The following CNTNAP5 variants were observed in gnomAD, a reference collection of about 807,000 sequenced individuals.
CNTNAP5 encodes the protein contactin associated protein family member 5.
CNTNAP5 carries 72 observed loss-of-function variants against 150.2 expected under a neutral mutation model. The observed-to-expected ratio is 0.48, with a 90% CI of 0.40 to 0.58. The LOEUF (loss-of-function observed/expected upper bound fraction) is 0.58, where lower values mean the gene tolerates loss of function less well. Ranked by LOEUF, CNTNAP5 falls within the 20% of genes least tolerant of loss-of-function variation. The pLI is 0.00. For synonymous variants in CNTNAP5, 672 were observed against 619.8 expected (o/e 1.08, Z -1.25); for missense variants, 1,636 against 1,626.2 (o/e 1.01, Z -0.10).
chr2:124,706,587 A>G (rs564039488), intron 13 of CNTNAP5, among the ~76,000 whole-genome samples: 2 of 151,958 alleles, frequency 1.3e-5, no homozygotes, highest in Admixed American at 6.6e-5. Flanking sequence ...TCTCTATAAA[A>G]TATACAAAAA....
chr2:124,164,507 T>C (rs1348802026), intron 1 of CNTNAP5, among the ~76,000 whole-genome samples: 1 of 152,218 alleles, frequency 6.6e-6, no homozygotes, highest in African/African-American at 2.4e-5. Context: ...AAATAATATC[T>C]CTTTGAGGAA....
intron 11 of CNTNAP5, among the ~76,000 whole-genome samples, chr2:124,568,631 T>C (rs1329091603): frequency 6.6e-6 from 1 of 152,254 alleles, no homozygotes; most frequent in Non-Finnish European, 1.5e-5. Flanking sequence ...TTTTTGTTTC[T>C]ATATTCAACC....
intron 13 of CNTNAP5, among the ~76,000 whole-genome samples, chr2:124,666,378 A>C (rs1375972071): frequency 1.3e-5 from 2 of 152,230 alleles, no homozygotes; most frequent in Non-Finnish European, 2.9e-5. Flanking sequence ...ACTGGGTGAG[A>C]GTGACTTGTA....
intron 1 of CNTNAP5, among the ~76,000 whole-genome samples, chr2:124,194,610 T>G (rs967464587): frequency 1.3e-5 from 2 of 150,752 alleles, no homozygotes; most frequent in African/African-American, 4.9e-5. Context: ...TTGGAAAAAC[T>G]GAATCCACAA....
chr2:124,134,584 A>G (rs1258056708), intron 1 of CNTNAP5, among the ~76,000 whole-genome samples: 2 of 152,198 alleles, frequency 1.3e-5, no homozygotes, highest in Admixed American at 6.5e-5. Context: ...CTTCTAGTCA[A>G]TAAAACACAC....
intron 7 of CNTNAP5, among the ~76,000 whole-genome samples, chr2:124,501,763 G>T (rs910665563): frequency 6.6e-6 from 1 of 152,172 alleles, no homozygotes; most frequent in African/African-American, 2.4e-5. Flanking sequence ...TCAGAATAGT[G>T]GCACACAGCA....
At chr2:124,483,054 G>A (rs1009102191) in intron 7 of CNTNAP5, among the ~76,000 whole-genome samples, 14 of 152,146 alleles carry the variant, frequency 9.2e-5, no homozygotes, top group Non-Finnish European at 1.5e-5. Flanking sequence ...GCCTTTGCAT[G>A]TTGTGTTTCT....
intron 16 of CNTNAP5, 140 bp from the exon 17 acceptor site, chr2:124,772,659 G>C: frequency 1.5e-6 from 1 of 647,930 alleles, no homozygotes. Flanking sequence ...ACTATTAATG[G>C]TGATTTCAGT....
intron 3 of CNTNAP5, among the ~76,000 whole-genome samples, chr2:124,317,750 T>A (rs1689002326): frequency 6.6e-6 from 1 of 152,166 alleles, no homozygotes; most frequent in Admixed American, 6.5e-5. Context: ...GGACACTGAT[T>A]TAAAATACAC....
Position 124,865,319 on chromosome 2 carries a change from TCGCTATCACCTAAACAAGGAAGAAA to T in CNTNAP5, c.3233_3257del (p.Arg1078ProfsTer19). The T allele has an allele frequency of 6.4e-7, 1 of 1,563,166 alleles. No homozygotes were observed. Among genetic ancestry groups the T allele is most frequent in the Non-Finnish European group, 8.7e-7 (1 of 1,152,336 alleles). On this transcript the variant is annotated frameshift_variant, in exon 20 of 24. Transcript: ENST00000682447. LOFTEE classifies it high-confidence loss of function. ...TTTTCTTTCAAGGAAGCTTACAGGT[TCGCTATCACCTAAACAAGGAAGAAA>T]CCCATGTATTCACCATTGATGCAGA...
At chr2:124,570,504 G>T (rs544176027) in intron 11 of CNTNAP5, among the ~76,000 whole-genome samples, 47 of 152,302 alleles carry the variant, frequency 3.1e-4, no homozygotes, top group African/African-American at 1.0e-3. Context: ...GGCAGACAAT[G>T]AATTGAGAAG....
At chr2:124,081,871 C>G (rs1028722460) in intron 1 of CNTNAP5, among the ~76,000 whole-genome samples, 1 of 152,124 alleles carries the variant, frequency 6.6e-6, no homozygotes, top group Non-Finnish European at 1.5e-5. Context: ...CTTGCACTGT[C>G]CTGTAGTACA....
At chr2:124,553,024 C>A (rs1695663123) in intron 10 of CNTNAP5, among the ~76,000 whole-genome samples, 1 of 6,246 alleles carries the variant, frequency 1.6e-4, no homozygotes, top group South Asian at 0.17. Context: ...AAATGCATTT[C>A]TGGGACATTA....
intron 19 of CNTNAP5, among the ~76,000 whole-genome samples, chr2:124,805,427 G>A (rs1240718981): frequency 2.6e-5 from 4 of 152,180 alleles, no homozygotes; most frequent in Admixed American, 6.5e-5. Context: ...CAATACACCT[G>A]GGGCAACATA....
At chr2:124,808,950 C>T (rs1682141665) in intron 19 of CNTNAP5, among the ~76,000 whole-genome samples, 1 of 151,964 alleles carries the variant, frequency 6.6e-6, no homozygotes, top group Admixed American at 6.6e-5. Context: ...TATTTTGTGG[C>T]CCTGTTCCCA....
rs116924388 is a variant in CNTNAP5 at position 124,873,996 on chromosome 2, T to A, written c.3436+4234T>A. On this transcript the variant is annotated intron_variant, in intron 21 of 23. Coordinates refer to ENST00000682447, the MANE Select transcript of CNTNAP5 (RefSeq NM_001367498.1). Reference sequence around the variant, plus strand: ...AGTACATACTCTATACCAGCCACGGTGCTACAGATACTGTTATAAATAAAG... The same window carrying A: ...AGTACATACTCTATACCAGCCACGGAGCTACAGATACTGTTATAAATAAAG... 8.9e-4 allele frequency among the ~76,000 whole-genome samples: 135 copies of A among 152,182 alleles called. 1 individual carries two copies. The East Asian group carries it at 0.021, about 24-fold the overall frequency.
intron 13 of CNTNAP5, among the ~76,000 whole-genome samples, chr2:124,673,782 T>A (rs908672455): frequency 6.7e-6 from 1 of 150,296 alleles, no homozygotes. Context: ...AAAAAAGAGA[T>A]CCTCTAGACA....
intron 11 of CNTNAP5, among the ~76,000 whole-genome samples, chr2:124,597,946 G>C: frequency 7.8e-6 from 1 of 128,194 alleles, no homozygotes; most frequent in African/African-American, 2.8e-5. Context: ...CGGCTCCTGA[G>C]GCTTCTGCAT....
chr2:124,627,654 C>T (rs72974517), intron 12 of CNTNAP5, among the ~76,000 whole-genome samples: 1,821 of 152,174 alleles, frequency 0.012, 30 homozygotes, highest in African/African-American at 0.041. Context: ...GTCAAAATGC[C>T]TCTTCTCCTC....
Sources: gnomAD v4.1 joint callset for allele counts (sites outside exome capture counted in the v4.1 genomes callset) on GRCh38, gnomAD v4.1.1 for gene constraint, MANE v1.5 for transcripts, NCBI Gene and HGNC (gene_info 2026-07-23, HGNC 2026-07-21) for gene names.